Variants in PPFIA2 observed in about 807,000 individuals in gnomAD.
PPFIA2 encodes the protein liprin-alpha-2.
PPFIA2 carries 46 observed loss-of-function variants against 175.5 expected under a neutral mutation model. That is an observed-to-expected ratio of 0.26 (90% CI 0.21 to 0.34). The LOEUF is 0.34. PPFIA2 is among the 10% of genes least tolerant of loss of function. PPFIA2 has a pLI of 1.00. For synonymous variants in PPFIA2, 568 were observed against 511.4 expected, an observed-to-expected ratio of 1.11 and a Z score of -1.49; for missense variants, 1,179 against 1,506.1, an observed-to-expected ratio of 0.78 and a Z score of 3.60.
chr12:81,414,238 T>C (rs2044529723), intron 7 of PPFIA2, among the ~76,000 whole-genome samples: 1 of 151,770 alleles, frequency 6.6e-6, no homozygotes, highest in South Asian at 2.1e-4. Flanking sequence ...ATACACAATT[T>C]AAATATTTAT....
chr12:81,576,380 C>T (rs2073548895), intron 4 of PPFIA2, among the ~76,000 whole-genome samples: 1 of 151,698 alleles, frequency 6.6e-6, no homozygotes, highest in African/African-American at 2.4e-5. Flanking sequence ...CTTCCTGTAT[C>T]CAGCAGTCTT....
intron 4 of PPFIA2, among the ~76,000 whole-genome samples, chr12:81,458,301 CA>C (rs1226033654): frequency 6.6e-6 from 1 of 151,454 alleles, no homozygotes; most frequent in African/African-American, 2.4e-5. Context: ...TTGAAATTAA[CA>C]AATTTATTTG....
At chr12:81,647,826 G>T (rs2066389829) in intron 4 of PPFIA2, among the ~76,000 whole-genome samples, 2 of 137,166 alleles carry the variant, frequency 1.5e-5, no homozygotes, top group Admixed American at 7.9e-5. Flanking sequence ...AAAATATATA[G>T]TATATATAAT....
At chr12:81,285,849 T>A (rs781623540) in intron 24 of PPFIA2, among the ~76,000 whole-genome samples, 1 of 152,070 alleles carries the variant, frequency 6.6e-6, no homozygotes, top group Non-Finnish European at 1.5e-5. Context: ...CTCCCTCTAC[T>A]TTTGTTTTTT....
At chr12:81,527,975 C>T (rs190536844) in intron 4 of PPFIA2, among the ~76,000 whole-genome samples, 17 of 152,134 alleles carry the variant, frequency 1.1e-4, no homozygotes, top group South Asian at 2.1e-4. Context: ...ATAAGCTACT[C>T]GGTTTATGGT....
intron 24 of PPFIA2, among the ~76,000 whole-genome samples, chr12:81,285,732 G>A (rs555351348): frequency 1.5e-4 from 23 of 152,066 alleles, no homozygotes; most frequent in African/African-American, 5.1e-4. Context: ...AGTATAGCAC[G>A]TGCAACTATG....
At chr12:81,462,545 T>C (rs1321126777) in intron 4 of PPFIA2, among the ~76,000 whole-genome samples, 1 of 134,394 alleles carries the variant, frequency 7.4e-6, no homozygotes, top group East Asian at 2.1e-4. Flanking sequence ...TGTATGTATG[T>C]ATATGTGTGT....
rs1377948876 is a variant in PPFIA2, at chr12:81,408,646, A to G, written c.646-2743T>C. ...AAATCAAATTCATTCAGAAAAAAGT[A>G]CAAATATAATTGAGCCACTATGATT... On this transcript the variant is annotated intron_variant, in intron 7 of 32. Transcript: ENST00000549396. 2.6e-5 allele frequency among the ~76,000 whole-genome samples: 4 copies of G among 152,332 alleles called. No homozygotes were observed. In the East Asian group the frequency reaches 7.7e-4, roughly 29 times the overall value.
In PPFIA2 at chr12:81,259,494, A is replaced by C. The variant is rs2034647258; in HGVS notation, c.*200T>G. ...TAAGCATTTTATTACAATTTGTAGT[A>C]AACTAATCAAATGTAATATCTGACT... is the stretch of plus-strand genomic sequence containing the variant. On this transcript the variant is annotated 3_prime_UTR_variant, in exon 33 of 33. Coordinates refer to ENST00000549396, the MANE Select transcript of PPFIA2 (RefSeq NM_003625.5). 5.4e-6 allele frequency: 4 copies of C among 746,176 alleles called. No homozygotes were observed. The highest frequency in any genetic ancestry group is 3.5e-5 in the African/African-American group (2 of 56,894). 46.2% of individuals were successfully genotyped at this position (746,176 alleles called of 1,614,324 possible).
chr12:81,369,085 G>T, intron 12 of PPFIA2, 26 bp downstream of exon 12: 1 of 1,525,678 alleles, frequency 6.6e-7, no homozygotes, highest in Non-Finnish European at 9.0e-7. Flanking sequence ...CAATGATTGG[G>T]GGGTAATAGT....
At chr12:81,402,269 C>T (rs577392533) in intron 8 of PPFIA2, among the ~76,000 whole-genome samples, 85 of 152,240 alleles carry the variant, frequency 5.6e-4, no homozygotes, top group African/African-American at 2.0e-3. Flanking sequence ...ACTAACACTA[C>T]AGTCATCGTT....
At chr12:81,353,695 G>A (rs1329873500) in intron 16 of PPFIA2, among the ~76,000 whole-genome samples, 1 of 151,936 alleles carries the variant, frequency 6.6e-6, no homozygotes, top group Non-Finnish European at 1.5e-5. Flanking sequence ...AAGCACTCAC[G>A]ACTTAAACTA....
rs145266238 is a variant in PPFIA2, at chr12:81,730,400, C to T, written c.249+23573G>A. On this transcript the variant is annotated intron_variant, in intron 3 of 32. Coordinates refer to ENST00000549396, the MANE Select transcript of PPFIA2 (RefSeq NM_003625.5). ...GGCCTCAGGAAATTTACTATCATGG[C>T]GGAAGGCAAAAGAGAAGCAGGTAAC... Among the ~76,000 whole-genome samples, 522 of 151,574 alleles carry T rather than the reference C, an allele frequency of 3.4e-3. 4 individuals are homozygous for T. Among genetic ancestry groups the T allele is most frequent in the Non-Finnish European group, 6.0e-3 (407 of 67,662 alleles).
At chr12:81,437,145 C>G (rs932612830) in intron 7 of PPFIA2, among the ~76,000 whole-genome samples, 1 of 152,150 alleles carries the variant, frequency 6.6e-6, no homozygotes, top group African/African-American at 2.4e-5. Context: ...AGTCGTAAAT[C>G]TTTCCTCCAC....
intron 4 of PPFIA2, among the ~76,000 whole-genome samples, chr12:81,651,959 G>C (rs917383729): frequency 3.3e-5 from 5 of 151,912 alleles, no homozygotes; most frequent in African/African-American, 1.2e-4. Context: ...GAAAACTAGT[G>C]ATCTTAATTC....
chr12:81,691,587 C>T (rs899793841), intron 3 of PPFIA2, among the ~76,000 whole-genome samples: 5 of 152,126 alleles, frequency 3.3e-5, no homozygotes, highest in Non-Finnish European at 7.4e-5. Context: ...ATCATTTCAA[C>T]AGATTTTGCC....
intron 4 of PPFIA2, among the ~76,000 whole-genome samples, chr12:81,518,976 T>C (rs905045092): frequency 2.0e-5 from 3 of 152,184 alleles, no homozygotes; most frequent in Non-Finnish European, 1.5e-5. Flanking sequence ...AAAGCCTATT[T>C]GATCTACTCA....
At position 81,634,142 on chromosome 12, in the gene PPFIA2, C is replaced by T. The variant is rs531202498; in HGVS notation, c.303+42649G>A. Among the ~76,000 whole-genome samples the T allele has an allele frequency of 9.9e-5, 15 of 152,174 alleles. 1 individual carries two copies. In the East Asian group the frequency reaches 2.9e-3, roughly 29 times the overall value. The stretch of plus-strand genomic sequence containing the variant: ...CTTGCATTTCCAGAAATGTCTGTAA[C>T]ATTGCAATAGCAGGTTTTGTTCTCA... On this transcript the variant is annotated intron_variant, in intron 4 of 32. Transcript: ENST00000549396.
chr12:81,535,604 G>C, intron 4 of PPFIA2: 1 of 371,380 alleles, frequency 2.7e-6, no homozygotes, highest in South Asian at 2.1e-5. Context: ...AAGGAAAAAA[G>C]TTCCTAAAAC....
Sources: allele counts gnomAD v4.1 joint callset (sites outside exome capture counted in the v4.1 genomes callset), GRCh38; gene constraint gnomAD v4.1.1; transcripts MANE v1.5; gene names NCBI Gene and HGNC (gene_info 2026-07-23, HGNC 2026-07-21).